The following MSRA variants were observed in gnomAD, a reference collection of about 807,000 sequenced individuals.
The protein encoded by MSRA is mitochondrial peptide methionine sulfoxide reductase.
A neutral mutation model predicts 31.3 loss-of-function variants in MSRA; 54 were observed. That is an observed-to-expected ratio of 1.73 (90% CI 1.39 to 2.17). The LOEUF is 2.17. Among genes scored for constraint, MSRA ranks in the 30% most tolerant of loss-of-function variants. The pLI is 0.00. For synonymous variants in MSRA, 169 were observed against 116.5 expected, an observed-to-expected ratio of 1.45 and a Z score of -2.90; for missense variants, 507 against 300.9, an observed-to-expected ratio of 1.69 and a Z score of -5.07.
At chr8:10,207,785 T>C in intron 1 of MSRA, 48 bp from the exon 2 acceptor site, 1 of 1,540,538 alleles carries the variant, frequency 6.5e-7, no homozygotes, top group Admixed American at 1.8e-5. Flanking sequence ...TGTTAGTATG[T>C]GTTAGAACTT....
intron 5 of MSRA, among the ~76,000 whole-genome samples, chr8:10,423,934 A>ATTC (rs1422950786): frequency 0.071 from 10,777 of 151,836 alleles, 570 homozygotes; most frequent in East Asian, 0.16. Flanking sequence ...TTCATTCATT[A>ATTC]ATTGCACACA....
chr8:10,164,325 C>T (rs1804929989), intron 1 of MSRA, among the ~76,000 whole-genome samples: 1 of 152,114 alleles, frequency 6.6e-6, no homozygotes, highest in South Asian at 2.1e-4. Flanking sequence ...AAAATCCCTC[C>T]GAGGGCTGCG....
At chr8:10,132,380 G>A (rs1801958810) in intron 1 of MSRA, among the ~76,000 whole-genome samples, 1 of 152,200 alleles carries the variant, frequency 6.6e-6, no homozygotes, top group African/African-American at 2.4e-5. Context: ...CCATCACTAA[G>A]CCTGGGGTCT....
At chr8:10,199,135 T>G (rs1171613442) in intron 1 of MSRA, among the ~76,000 whole-genome samples, 2 of 152,166 alleles carry the variant, frequency 1.3e-5, no homozygotes, top group Admixed American at 6.5e-5. Flanking sequence ...CATGGATGCC[T>G]GCTTTGGGAG....
intron 1 of MSRA, among the ~76,000 whole-genome samples, chr8:10,077,161 A>G (rs1032357394): frequency 3.9e-5 from 6 of 152,184 alleles, no homozygotes; most frequent in Non-Finnish European, 8.8e-5. Flanking sequence ...ATCAGGAAGA[A>G]ATGGATGGTC....
chr8:10,107,058 A>T (rs1270887910), intron 1 of MSRA, among the ~76,000 whole-genome samples: 3 of 152,176 alleles, frequency 2.0e-5, no homozygotes, highest in African/African-American at 7.2e-5. Flanking sequence ...CATGGATAGA[A>T]CACAGATAAC....
chr8:10,204,334 C>G (rs1808758098), intron 1 of MSRA, among the ~76,000 whole-genome samples: 3 of 152,240 alleles, frequency 2.0e-5, no homozygotes, highest in African/African-American at 7.2e-5. Context: ...TAGGCCTTCA[C>G]ACCCACTCAC....
At chr8:10,392,831 G>C (rs1806835089) in intron 5 of MSRA, among the ~76,000 whole-genome samples, 1 of 144,918 alleles carries the variant, frequency 6.9e-6, no homozygotes, top group Non-Finnish European at 1.5e-5. Context: ...CGTATCACCA[G>C]GTCAGGAGAT....
intron 2 of MSRA, among the ~76,000 whole-genome samples, chr8:10,223,000 A>C (rs1052048511): frequency 1.3e-5 from 2 of 152,224 alleles, no homozygotes; most frequent in African/African-American, 4.8e-5. Flanking sequence ...GTAAGGTGAT[A>C]GGTATGTTAC....
chr8:10,304,706 G>T (rs901789844), intron 4 of MSRA, among the ~76,000 whole-genome samples: 1 of 152,168 alleles, frequency 6.6e-6, no homozygotes, highest in African/African-American at 2.4e-5. Flanking sequence ...AGGTCACATG[G>T]CAACCTGTCA....
intron 1 of MSRA, among the ~76,000 whole-genome samples, chr8:10,160,310 A>G (rs1804521994): frequency 1.3e-5 from 2 of 152,050 alleles, no homozygotes; most frequent in Admixed American, 1.3e-4. Context: ...CCTGGCTAAC[A>G]CAGTTAAACT....
At chr8:10,416,055 CT>C (rs1808440673) in intron 5 of MSRA, among the ~76,000 whole-genome samples, 1 of 152,078 alleles carries the variant, frequency 6.6e-6, no homozygotes, top group Non-Finnish European at 1.5e-5. Context: ...TGGGGTGTGG[CT>C]GTTGGTGTGA....
Position 10,323,231 on chromosome 8 carries a change from TA to T in MSRA, c.543+3247del, listed in dbSNP as rs1302546632. 2.6e-5 allele frequency among the ~76,000 whole-genome samples: 4 copies of T among 152,242 alleles called. No individual in the cohort carries two copies. The East Asian group carries it at 7.7e-4, about 29-fold the overall frequency. ...CAGGAACCAACCCCAACCAAGAACT[TA>T]AAAAGTGGTTCAATTGTTTCATCCC... On this transcript the variant is annotated intron_variant, in intron 5 of 5. Transcript: ENST00000317173.
At chr8:10,122,147 G>C (rs1254014557) in intron 1 of MSRA, among the ~76,000 whole-genome samples, 2 of 152,110 alleles carry the variant, frequency 1.3e-5, no homozygotes, top group Non-Finnish European at 2.9e-5. Context: ...CATGCTGCTG[G>C]TGTTGTTGTA....
intron 5 of MSRA, among the ~76,000 whole-genome samples, chr8:10,366,399 G>A (rs1195095366): frequency 1.3e-5 from 2 of 152,272 alleles, no homozygotes; most frequent in Non-Finnish European, 2.9e-5. Flanking sequence ...GCACTGCGTG[G>A]CCCTGAGCCA....
chr8:10,139,357 A>C (rs979033585), intron 1 of MSRA, among the ~76,000 whole-genome samples: 1 of 152,154 alleles, frequency 6.6e-6, no homozygotes, highest in Admixed American at 6.6e-5. Flanking sequence ...ACCACTTCTC[A>C]TGATCTTTAT....
intron 1 of MSRA, among the ~76,000 whole-genome samples, chr8:10,142,684 A>G (rs1802815720): frequency 6.6e-6 from 1 of 152,182 alleles, no homozygotes; most frequent in Non-Finnish European, 1.5e-5. Flanking sequence ...GTCCTCTGCA[A>G]TTGAAAGAAG....
At chr8:10,140,557 A>G (rs1323471096) in intron 1 of MSRA, among the ~76,000 whole-genome samples, 1 of 152,228 alleles carries the variant, frequency 6.6e-6, no homozygotes, top group Non-Finnish European at 1.5e-5. Context: ...AGGGCCTGAT[A>G]TTACAAGCAA....
At chr8:10,069,185 A>C (rs1797608359) in intron 1 of MSRA, among the ~76,000 whole-genome samples, 1 of 152,218 alleles carries the variant, frequency 6.6e-6, no homozygotes, top group Admixed American at 6.5e-5. Flanking sequence ...TTTTCTACAT[A>C]GACAGTCATG....
Sources: gnomAD v4.1 joint callset for allele counts (sites outside exome capture counted in the v4.1 genomes callset) on GRCh38, gnomAD v4.1.1 for gene constraint, MANE v1.5 for transcripts, NCBI Gene and HGNC (gene_info 2026-07-23, HGNC 2026-07-21) for gene names.